The following EVL variants were observed in gnomAD, a reference collection of about 807,000 sequenced individuals.
The protein encoded by EVL is ena/VASP-like protein.
Under a neutral mutation model 59.6 loss-of-function variants are expected in EVL, and 21 were observed. The observed-to-expected ratio is 0.35, with a 90% CI of 0.25 to 0.51. The LOEUF (loss-of-function observed/expected upper bound fraction) is 0.51. EVL is among the 20% of genes least tolerant of loss of function. EVL has a pLI of 0.97. For missense variants in EVL, 462 were observed against 546.6 expected, an observed-to-expected ratio of 0.85 and a Z score of 1.54; for synonymous variants, 198 against 203.5, an observed-to-expected ratio of 0.97 and a Z score of 0.23.
chr14:99,983,232 A>T (rs1221334832), intron 1 of EVL, among the ~76,000 whole-genome samples: 2 of 152,242 alleles, frequency 1.3e-5, no homozygotes, highest in East Asian at 3.8e-4. Context: ...ATCCAGTGAC[A>T]TTCTCTATGA....
chr14:100,081,135 A>G (rs1280302128), intron 1 of EVL, among the ~76,000 whole-genome samples: 1 of 152,104 alleles, frequency 6.6e-6, no homozygotes, highest in African/African-American at 2.4e-5. Context: ...TAATAATAAT[A>G]CAAAATTAGA....
chr14:99,990,398 C>T (rs976266773), intron 1 of EVL, among the ~76,000 whole-genome samples: 2 of 152,090 alleles, frequency 1.3e-5, no homozygotes, highest in African/African-American at 4.8e-5. Flanking sequence ...GTGTACAGTT[C>T]ATTAGCGTTA....
intron 3 of EVL, among the ~76,000 whole-genome samples, chr14:100,097,992 G>T (rs568726329): frequency 6.6e-6 from 1 of 152,128 alleles, no homozygotes; most frequent in African/African-American, 2.4e-5. Flanking sequence ...AAACAGTCAA[G>T]AATTTATTTT....
At chr14:99,987,906 T>G (rs1189363989) in intron 1 of EVL, among the ~76,000 whole-genome samples, 3 of 74,194 alleles carry the variant, frequency 4.0e-5, no homozygotes, top group Non-Finnish European at 4.6e-5. Context: ...GACAACCCAA[T>G]TTTTTTTTTT....
intron 1 of EVL, among the ~76,000 whole-genome samples, chr14:100,034,993 A>G (rs1289130358): frequency 1.3e-5 from 2 of 152,238 alleles, no homozygotes; most frequent in African/African-American, 4.8e-5. Flanking sequence ...CTGTCCTAGT[A>G]TGTAGCACAG....
chr14:100,094,965 C>T (rs1243881184), intron 2 of EVL, among the ~76,000 whole-genome samples: 6 of 141,712 alleles, frequency 4.2e-5, no homozygotes, highest in East Asian at 4.4e-4. Flanking sequence ...CGTTTGAACC[C>T]GGGAGGTGGA....
chr14:100,137,404 T>G, intron 9 of EVL, 174 bp from the exon 10 acceptor site: 2 of 642,768 alleles, frequency 3.1e-6, no homozygotes, highest in Non-Finnish European at 5.5e-6. Flanking sequence ...ACCTAGGCCA[T>G]GGGGGACTGA....
chr14:100,095,502 T>C (rs1327317572), intron 2 of EVL, among the ~76,000 whole-genome samples: 2 of 152,208 alleles, frequency 1.3e-5, no homozygotes, highest in East Asian at 3.8e-4. Context: ...TTACTAGTTA[T>C]TATTTGCTAG....
intron 9 of EVL, chr14:100,137,251 A>C: frequency 7.7e-6 from 3 of 391,192 alleles, no homozygotes; most frequent in Non-Finnish European, 9.5e-6. Flanking sequence ...CGTGGGAGCA[A>C]GGCTGTGCTG....
intron 1 of EVL, among the ~76,000 whole-genome samples, chr14:100,014,716 C>T (rs1043170591): frequency 2.0e-5 from 3 of 152,006 alleles, no homozygotes; most frequent in Non-Finnish European, 4.4e-5. Context: ...TTTTAACTGG[C>T]AATTGGTAGG....
chr14:100,047,043 G>A (rs1008044791), intron 1 of EVL, among the ~76,000 whole-genome samples: 3 of 148,774 alleles, frequency 2.0e-5, no homozygotes, highest in Non-Finnish European at 4.5e-5. Flanking sequence ...GTGAGCCACC[G>A]CGCCCAGCAG....
At chr14:99,995,947 A>G (rs2060910314) in intron 1 of EVL, among the ~76,000 whole-genome samples, 1 of 151,982 alleles carries the variant, frequency 6.6e-6, no homozygotes, top group South Asian at 2.1e-4. Context: ...AGCGTCTGTC[A>G]GTGGTACTGC....
chr14:100,097,725 C>T lies in EVL; in HGVS notation c.358+67C>T, dbSNP rs1454866637. 2.0e-6 allele frequency: 3 copies of T among 1,467,094 alleles called. No individual in the cohort carries two copies. In the African/African-American group the frequency reaches 4.2e-5, roughly 21 times the overall value. 90.9% of individuals were successfully genotyped at this position (1,467,094 alleles called of 1,614,324 possible). ...TTGTTCTACCTCTGCCCTCCCACAG[C>T]TCTGGCTCTCCGGGTATCCTAGCAC... On this transcript the variant is annotated intron_variant, in intron 3 of 13. Transcript: ENST00000392920.
At chr14:100,024,634 C>T (rs539205322) in intron 1 of EVL, among the ~76,000 whole-genome samples, 1 of 152,288 alleles carries the variant, frequency 6.6e-6, no homozygotes, top group African/African-American at 2.4e-5. Flanking sequence ...CTCCTCTAGA[C>T]CTCTTCACTG....
Position 100,084,822 on chromosome 14 carries a change from C to G in EVL, c.147C>G (p.Phe49Leu). Reference protein sequence around the residue: ...NIYHNTASNTFRVVGVKLQDQ... With the variant: ...NIYHNTASNTLRVVGVKLQDQ... ...ACCACAACACTGCCAGCAACACCTT[C>G]AGAGTCGTTGGAGTCAAGTTGCAGG... Residue 49 changes from phenylalanine to leucine, a missense_variant, in exon 2 of 14, where the codon TTC (phenylalanine) becomes TTG (leucine). By Grantham distance (22) the Phe-to-Leu change is conservative. Coordinates refer to ENST00000392920, the MANE Select transcript of EVL (RefSeq NM_016337.3). 1 of 1,614,226 alleles carries G rather than the reference C, an allele frequency of 6.2e-7. No individual in the cohort carries two copies. Among genetic ancestry groups the G allele is most frequent in the Non-Finnish European group, 8.5e-7 (1 of 1,180,054 alleles).
intron 1 of EVL, among the ~76,000 whole-genome samples, chr14:99,993,088 T>A (rs1352550730): frequency 6.7e-6 from 1 of 150,118 alleles, no homozygotes; most frequent in East Asian, 1.9e-4. Context: ...GACGGAGTCT[T>A]GCTCTATCAC....
intron 1 of EVL, among the ~76,000 whole-genome samples, chr14:100,048,599 T>A (rs989274262): frequency 6.6e-6 from 1 of 152,200 alleles, no homozygotes; most frequent in Non-Finnish European, 1.5e-5. Flanking sequence ...AGTTAACATA[T>A]AACCCAGCAA....
intron 1 of EVL, among the ~76,000 whole-genome samples, chr14:100,007,661 G>A (rs897670752): frequency 1.3e-5 from 2 of 152,188 alleles, no homozygotes; most frequent in East Asian, 1.9e-4. Flanking sequence ...AAAGTGTGTC[G>A]GCTTGCCTTA....
rs1886810438 is a variant in EVL at position 100,109,515 on chromosome 14, G to A, written c.358+11857G>A. On this transcript the variant is annotated intron_variant, in intron 3 of 13. Transcript: ENST00000392920. The surrounding 1 kb of genome is among the most constrained non-coding windows in gnomAD (Gnocchi z 4.3). ...GAAGAGAGACTGACACATCAGAGGT[G>A]TCTGGTGACTGAACAAGCTCCCAGC... 3 of 463,864 alleles carry A rather than the reference G, an allele frequency of 6.5e-6. No individual in the cohort carries two copies. The highest frequency in any genetic ancestry group is 8.9e-6 in the Non-Finnish European group (2 of 223,914). 28.7% of individuals were successfully genotyped at this position (463,864 alleles called of 1,614,324 possible).
Sources: gnomAD v4.1 joint callset for allele counts (sites outside exome capture counted in the v4.1 genomes callset) on GRCh38, gnomAD v4.1.1 for gene constraint, Gnocchi (gnomAD v3.1) non-coding constraint, MANE v1.5 for transcripts, NCBI Gene and HGNC (gene_info 2026-07-23, HGNC 2026-07-21) for gene names.